Variants in TOMM20 observed in about 807,000 individuals in gnomAD.
The protein encoded by TOMM20 is translocase of outer mitochondrial membrane 20.
Under a neutral mutation model 22.1 loss-of-function variants are expected in TOMM20, and 10 were observed. That is an observed-to-expected ratio of 0.45 (90% confidence interval 0.28 to 0.77). TOMM20 has a LOEUF of 0.77. Ranked by LOEUF, TOMM20 falls within the 30% of genes least tolerant of loss-of-function variation. The pLI is 0.13. For synonymous variants in TOMM20, 55 were observed against 61.4 expected (o/e 0.90, Z 0.49); for missense variants, 121 against 172.2 (o/e 0.70, Z 1.66).
At chr1:235,127,346 C>T (rs1661041419) in intron 1 of TOMM20, among the ~76,000 whole-genome samples, 1 of 152,222 alleles carries the variant, frequency 6.6e-6, no homozygotes, top group Non-Finnish European at 1.5e-5. Context: ...AATTATGCCG[C>T]TAACCTGGCC....
rs555755703 is a variant in TOMM20 at position 235,116,572 on chromosome 1, G to A, written c.251-2662C>T. Among the ~76,000 whole-genome samples the A allele has an allele frequency of 6.6e-5, 10 of 151,186 alleles. No individual in the cohort carries two copies. The East Asian group carries it at 1.4e-3, about 21-fold the overall frequency. The stretch of plus-strand genomic sequence containing the variant: ...AAATTAGCTGAGCCTGGTGGCACAC[G>A]CCTGTAATCCCAGCTACTTGGGAGG... On this transcript the variant is annotated intron_variant, in intron 3 of 4. Coordinates refer to ENST00000366607, the MANE Select transcript of TOMM20 (RefSeq NM_014765.3).
intron 3 of TOMM20, 66 bp downstream of exon 3, chr1:235,119,752 A>G (rs1660899267): frequency 4.5e-6 from 5 of 1,102,414 alleles, no homozygotes. Flanking sequence ...AAAGCCCCTT[A>G]TCATTATAAA....
intron 4 of TOMM20, among the ~76,000 whole-genome samples, chr1:235,112,878 A>G (rs1053045604): frequency 1.3e-5 from 2 of 152,220 alleles, no homozygotes; most frequent in East Asian, 3.8e-4. Context: ...AATCCTCTAG[A>G]ACTAGAACCA....
chr1:235,115,469 A>T (rs995321463), intron 3 of TOMM20, among the ~76,000 whole-genome samples: 2 of 151,942 alleles, frequency 1.3e-5, no homozygotes, highest in Non-Finnish European at 2.9e-5. Context: ...GCTACTAAAA[A>T]TACAAAAATT....
At chr1:235,116,140 C>T (rs921028338) in intron 3 of TOMM20, among the ~76,000 whole-genome samples, 7 of 152,152 alleles carry the variant, frequency 4.6e-5, no homozygotes, top group Non-Finnish European at 7.3e-5. Flanking sequence ...GGAACGGCGG[C>T]TCACACCTGT....
At chr1:235,122,549 GA>G (rs1258442556) in intron 1 of TOMM20, 177 bp from the exon 2 acceptor site, 1 of 497,768 alleles carries the variant, frequency 2.0e-6, no homozygotes, top group Non-Finnish European at 3.5e-6. Flanking sequence ...TGAGCTGTAG[GA>G]AATGTGACAC....
chr1:235,123,132 C>T (rs1023826094), intron 1 of TOMM20, among the ~76,000 whole-genome samples: 5 of 152,170 alleles, frequency 3.3e-5, no homozygotes, highest in Non-Finnish European at 7.4e-5. Context: ...AGCCATGAAA[C>T]AAGCAAATGT....
At chr1:235,125,251 G>A (rs930334076) in intron 1 of TOMM20, among the ~76,000 whole-genome samples, 3 of 151,872 alleles carry the variant, frequency 2.0e-5, no homozygotes, top group Admixed American at 1.3e-4. Flanking sequence ...GTCTCGCTTT[G>A]TCGCCCAGGC....
At position 235,112,114 on chromosome 1, in the gene TOMM20, A is replaced by AG. The variant is rs757179957; in HGVS notation, c.394-7dup. On this transcript the variant is annotated splice_region_variant and splice_polypyrimidine_tract_variant and intron_variant, in intron 4 of 4. Transcript: ENST00000366607. ...CTCTGAGCACTTACAATTCTCTGAA[A>AG]GAAAAAAAAAATAATTTTTTAAAGT... 1.5e-5 allele frequency: 24 copies of AG among 1,598,912 alleles called. No individual in the cohort carries two copies. The highest frequency in any genetic ancestry group is 1.7e-4 in the Middle Eastern group (1 of 6,022).
At position 235,119,894 on chromosome 1, in the gene TOMM20, A is replaced by C; in HGVS notation, c.174T>G (p.Pro58=). The stretch of plus-strand genomic sequence containing the variant: ...GAACAGCTTCAGCATCTTTAAGGTC[A>C]GGTAACTGGAAATAAAATATTTAAT... ...AKERAGLSKL[P]DLKDAEAVQK... Residue 58 remains proline (P), a synonymous_variant, in exon 3 of 5, where the codon CCT becomes CCG. Coordinates refer to ENST00000366607, the MANE Select transcript of TOMM20 (RefSeq NM_014765.3). 6.2e-7 allele frequency: 1 copy of C among 1,607,418 alleles called. No individual in the cohort carries two copies. Among genetic ancestry groups the C allele is most frequent in the African/African-American group, 1.3e-5 (1 of 74,862 alleles).
At chr1:235,122,213 A>G (rs1439405734) in intron 2 of TOMM20, 113 bp downstream of exon 2, 4 of 857,892 alleles carry the variant, frequency 4.7e-6, no homozygotes, top group Non-Finnish European at 6.7e-6. Context: ...TAAAAAAGCA[A>G]TGTCCAGTAT....
chr1:235,128,807 C>T lies in TOMM20; in HGVS notation c.-92G>A. 1 of 1,568,768 alleles carries T rather than the reference C, an allele frequency of 6.4e-7. No homozygotes were observed. On this transcript the variant is annotated 5_prime_UTR_variant, in exon 1 of 5. The change creates a new upstream start codon in the 5' untranslated region. Transcript: ENST00000366607. ...CTCAGAGCGGTCGGCGCAGCTCACA[C>T]CCGACGGCCGCGGGCCAGGAACACA...
chr1:235,121,997 T>C lies in TOMM20; in HGVS notation c.168+329A>G, dbSNP rs146285499. ...GAGTAAAGAAATTAAATCTTAAGTG[T>C]AATATTGTATCATTTTGAAGCAGCT... On this transcript the variant is annotated intron_variant, in intron 2 of 4. Coordinates refer to ENST00000366607, the MANE Select transcript of TOMM20 (RefSeq NM_014765.3). 4.1e-3 allele frequency among the ~76,000 whole-genome samples: 625 copies of C among 152,326 alleles called. 3 individuals are homozygous for C. Among genetic ancestry groups the C allele is most frequent in the Middle Eastern group, 0.01 (3 of 294 alleles).
Position 235,111,086 on chromosome 1 carries a change from A to G in TOMM20, c.*978T>C, listed in dbSNP as rs1035217314. The G allele has an allele frequency of 1.3e-5, 2 of 152,224 alleles. No homozygotes were observed. The highest frequency in any genetic ancestry group is 4.8e-5 in the African/African-American group (2 of 41,448). 9.4% of individuals were successfully genotyped at this position (152,224 alleles called of 1,614,324 possible). A position where few individuals can be genotyped will look rare whatever the true frequency, so the allele number is the denominator to read the frequency against. ...CCAGTTACCTTAAAAGTTTCGGATTAATTTACAGAGTAGTGACAGAACCAT... is the reference window on the plus strand; with the variant it reads ...CCAGTTACCTTAAAAGTTTCGGATTGATTTACAGAGTAGTGACAGAACCAT... On this transcript the variant is annotated 3_prime_UTR_variant, in exon 5 of 5. Transcript: ENST00000366607.
chr1:235,113,872 T>C lies in TOMM20; in HGVS notation c.289A>G (p.Ile97Val), dbSNP rs373084823. The change falls in exon 4 of 5, where the codon ATT becomes GTT. Residue 97 changes from isoleucine (I) to valine (V), a missense_variant. Physicochemically the swap from Ile to Val is conservative, Grantham distance 29 (BLOSUM62 3). Transcript: ENST00000366607. ...TGCTGTGGCTGTCCACACACAGCAA[T>C]TGCATTTGTCAGATGGTCTACGCCC... ...EKGVDHLTNA[I>V]AVCGQPQQLL... The C allele has an allele frequency of 2.5e-5, 41 of 1,612,884 alleles. No homozygotes were observed. The African/African-American group carries it at 4.5e-4, about 18-fold the overall frequency.
rs1198779208 is a variant in TOMM20, at chr1:235,122,376, C to A, written c.122-4G>T. 16 of 1,574,716 alleles carry A rather than the reference C, an allele frequency of 1.0e-5. No homozygotes were observed. Among genetic ancestry groups the A allele is most frequent in the African/African-American group, 4.1e-5 (3 of 73,256 alleles). On this transcript the variant is annotated splice_polypyrimidine_tract_variant and splice_region_variant and intron_variant, in intron 1 of 4. Transcript: ENST00000366607. Reference sequence around the variant, plus strand: ...GCAAGCTTCTGTTTCTTTCTTCCTGCAAGAAATGCAAAGTTATATTTACAT... The same window carrying A: ...GCAAGCTTCTGTTTCTTTCTTCCTGAAAGAAATGCAAAGTTATATTTACAT...
At chr1:235,116,895 G>A (rs911788330) in intron 3 of TOMM20, among the ~76,000 whole-genome samples, 1 of 152,078 alleles carries the variant, frequency 6.6e-6, no homozygotes, top group Non-Finnish European at 1.5e-5. Flanking sequence ...CAGCACTTTG[G>A]GAGGCCAAGG....
In TOMM20 at chr1:235,124,076, G is replaced by C. The variant is rs566016176; in HGVS notation, c.122-1704C>G. 2.0e-5 allele frequency among the ~76,000 whole-genome samples: 3 copies of C among 152,378 alleles called. No individual in the cohort carries two copies. The South Asian group carries it at 6.2e-4, about 32-fold the overall frequency. ...ATTAAAAGAATTACAGCTGGGCACA[G>C]TGGCTCACGCCTGTAATCCCAGCAC... On this transcript the variant is annotated intron_variant, in intron 1 of 4. Transcript: ENST00000366607.
chr1:235,119,994 A>T (rs971519257), intron 2 of TOMM20, 95 bp from the exon 3 acceptor site: 5 of 702,884 alleles, frequency 7.1e-6, no homozygotes, highest in African/African-American at 1.8e-5. Context: ...CAAAAAACCA[A>T]ATCACTCATT....
Sources: gnomAD v4.1 joint callset for allele counts (sites outside exome capture counted in the v4.1 genomes callset) on GRCh38, gnomAD v4.1.1 for gene constraint, MANE v1.5 for transcripts, NCBI Gene and HGNC (gene_info 2026-07-23, HGNC 2026-07-21) for gene names.